Variants in ADGRL2 observed in about 807,000 individuals in gnomAD.
The protein encoded by ADGRL2 is adhesion G protein-coupled receptor L2.
ADGRL2 carries 44 observed loss-of-function variants against 157.4 expected under a neutral mutation model. The ratio of observed to expected loss-of-function variants is 0.28; its 90% CI spans 0.22 to 0.36. The LOEUF (loss-of-function observed/expected upper bound fraction) is 0.36. ADGRL2 is among the 10% of genes least tolerant of loss of function. The probability of loss-of-function intolerance (pLI) is 1.00; values close to 1 mark genes in which losing one functional copy is unlikely to be tolerated. For synonymous variants in ADGRL2, 585 were observed against 624.7 expected (o/e 0.94, Z 0.95); for missense variants, 1,510 against 1,768.9 (o/e 0.85, Z 2.63).
intron 2 of ADGRL2, among the ~76,000 whole-genome samples, chr1:81,768,177 C>G (rs1466934229): frequency 2.0e-5 from 3 of 151,876 alleles, no homozygotes; most frequent in Non-Finnish European, 4.4e-5. Context: ...TCCTGAGTAA[C>G]TACGACTACA....
At chr1:81,475,094 C>T (rs2078245446) in intron 2 of ADGRL2, among the ~76,000 whole-genome samples, 1 of 152,088 alleles carries the variant, frequency 6.6e-6, no homozygotes, top group Admixed American at 6.6e-5. Context: ...CCTTGGTTTC[C>T]TAGAGCTCAT....
rs186924909 is a variant in ADGRL2, at chr1:81,529,506, T to G, written c.-247-51370T>G. Among the ~76,000 whole-genome samples, 23 of 152,372 alleles carry G rather than the reference T, an allele frequency of 1.5e-4. No homozygotes were observed. In the East Asian group the frequency reaches 2.9e-3, roughly 19 times the overall value. On this transcript the variant is annotated intron_variant, in intron 2 of 24. Transcript: ENST00000370721. Reference sequence around the variant, plus strand: ...ATATATATTGGGTGCAATTAGGTACTTATTGAATGCTTATCTTTTGTCCAA... The same window carrying G: ...ATATATATTGGGTGCAATTAGGTACGTATTGAATGCTTATCTTTTGTCCAA...
At chr1:81,423,666 T>C (rs1570928466) in intron 1 of ADGRL2, among the ~76,000 whole-genome samples, 1 of 152,354 alleles carries the variant, frequency 6.6e-6, no homozygotes, top group Non-Finnish European at 1.5e-5. Flanking sequence ...CCTAATAATG[T>C]TATACACATA....
chr1:81,623,662 A>T (rs2081846789), intron 3 of ADGRL2, among the ~76,000 whole-genome samples: 1 of 138,634 alleles, frequency 7.2e-6, no homozygotes, highest in Admixed American at 7.6e-5. Context: ...TTTGAGACAG[A>T]GTCTTGCTCT....
chr1:81,899,594 A>G (rs762016132), intron 2 of ADGRL2, among the ~76,000 whole-genome samples: 4 of 152,198 alleles, frequency 2.6e-5, no homozygotes, highest in African/African-American at 4.8e-5. Context: ...TGGTATTCAC[A>G]TTTGCACAGC....
chr1:81,595,150 A>T (rs2081206987), intron 3 of ADGRL2, among the ~76,000 whole-genome samples: 1 of 152,188 alleles, frequency 6.6e-6, no homozygotes, highest in Non-Finnish European at 1.5e-5. Context: ...CCAGCTAAGT[A>T]TTATAGGAGT....
chr1:81,741,864 A>C (rs1275758747), intron 1 of ADGRL2, among the ~76,000 whole-genome samples: 1 of 151,906 alleles, frequency 6.6e-6, no homozygotes, highest in African/African-American at 2.4e-5. Context: ...CAAAAAATTG[A>C]ACACACAAAA....
chr1:81,349,540 A>G (rs1255333240), intron 1 of ADGRL2, among the ~76,000 whole-genome samples: 1 of 151,906 alleles, frequency 6.6e-6, no homozygotes, highest in Non-Finnish European at 1.5e-5. Flanking sequence ...CTCTTTAAAG[A>G]AGTTTTTTCC....
chr1:81,836,366 A>G (rs994834604), intron 1 of ADGRL2, among the ~76,000 whole-genome samples: 1 of 152,084 alleles, frequency 6.6e-6, no homozygotes, highest in African/African-American at 2.4e-5. Flanking sequence ...ATATTTGGGA[A>G]ATGCCTTCAT....
At chr1:81,462,276 C>G (rs2077951506) in intron 2 of ADGRL2, among the ~76,000 whole-genome samples, 1 of 152,166 alleles carries the variant, frequency 6.6e-6, no homozygotes, top group African/African-American at 2.4e-5. Flanking sequence ...TAAGAGCTGG[C>G]CACCCCAGCA....
At chr1:81,833,875 G>A (rs369747080) in intron 1 of ADGRL2, among the ~76,000 whole-genome samples, 3 of 152,042 alleles carry the variant, frequency 2.0e-5, no homozygotes, top group East Asian at 3.9e-4. Context: ...ATGCATTAAC[G>A]GACTTTTTAC....
intron 1 of ADGRL2, among the ~76,000 whole-genome samples, chr1:81,820,861 A>C (rs2090923166): frequency 6.6e-6 from 1 of 152,156 alleles, no homozygotes; most frequent in Admixed American, 6.6e-5. Flanking sequence ...ATAACCACAC[A>C]GAAAACATGC....
intron 2 of ADGRL2, among the ~76,000 whole-genome samples, chr1:81,547,349 C>T (rs1278209968): frequency 6.6e-6 from 1 of 152,120 alleles, no homozygotes; most frequent in African/African-American, 2.4e-5. Flanking sequence ...GCAGAAGGCC[C>T]TTTCCCCTCA....
intron 3 of ADGRL2, among the ~76,000 whole-genome samples, chr1:81,936,516 T>A (rs1208410389): frequency 2.0e-5 from 3 of 151,778 alleles, no homozygotes; most frequent in African/African-American, 7.3e-5. Context: ...CTAGTTAAAA[T>A]TTAGTGTGAC....
At chr1:81,947,293 T>C (rs949554693) in intron 6 of ADGRL2, among the ~76,000 whole-genome samples, 14 of 152,222 alleles carry the variant, frequency 9.2e-5, no homozygotes, top group African/African-American at 3.1e-4. Flanking sequence ...TCTAGTCTTA[T>C]GCTTTCTTTC....
intron 1 of ADGRL2, among the ~76,000 whole-genome samples, chr1:81,720,838 G>T (rs2084285180): frequency 6.6e-6 from 1 of 150,858 alleles, no homozygotes. Flanking sequence ...TTGTGAGTCT[G>T]ATGAATTGGG....
chr1:81,746,524 A>T (rs1256981062), intron 1 of ADGRL2, among the ~76,000 whole-genome samples: 1 of 152,124 alleles, frequency 6.6e-6, no homozygotes, highest in East Asian at 1.9e-4. Flanking sequence ...TCCTGGGCTC[A>T]AGGGATCCAT....
At chr1:81,954,834 A>G (rs553432661) in intron 10 of ADGRL2, among the ~76,000 whole-genome samples, 1 of 152,330 alleles carries the variant, frequency 6.6e-6, no homozygotes, top group Non-Finnish European at 1.5e-5. Context: ...CCCTGTTCAT[A>G]TAGTACCTCA....
At chr1:81,373,691 A>G (rs1036847188) in intron 1 of ADGRL2, among the ~76,000 whole-genome samples, 140 of 152,308 alleles carry the variant, frequency 9.2e-4, no homozygotes, top group African/African-American at 3.1e-3. Context: ...GAATGAATAT[A>G]CAGAAGTCAG....
Sources: gnomAD v4.1 joint callset for allele counts (sites outside exome capture counted in the v4.1 genomes callset) on GRCh38, gnomAD v4.1.1 for gene constraint, MANE v1.5 for transcripts, NCBI Gene and HGNC (gene_info 2026-07-23, HGNC 2026-07-21) for gene names.